PTK2B: variants seen among roughly 807,000 people sequenced by gnomAD.
PTK2B encodes protein tyrosine kinase 2 beta.
A neutral mutation model predicts 142.9 loss-of-function variants in PTK2B; 71 were observed. The ratio of observed to expected loss-of-function variants is 0.50; its 90% CI spans 0.41 to 0.61. The LOEUF (loss-of-function observed/expected upper bound fraction) is 0.61, where lower values mean the gene tolerates loss of function less well. Among genes scored for constraint, PTK2B ranks in the 20% least tolerant of loss-of-function variants. The pLI is 0.00. For missense variants in PTK2B, 1,105 were observed against 1,320.4 expected (o/e 0.84, Z 2.53); for synonymous variants, 519 against 503.4 (o/e 1.03, Z -0.42).
chr8:27,441,888 G>A (rs995022521), intron 21 of PTK2B, among the ~76,000 whole-genome samples: 2 of 151,880 alleles, frequency 1.3e-5, no homozygotes, highest in South Asian at 2.1e-4. Context: ...GCTGAGAGGT[G>A]TTCCCATCAT....
In PTK2B at chr8:27,450,784, G is replaced by A. The variant is rs1189805567; in HGVS notation, c.2376G>A (p.Glu792=). ...EDFIQPSSRE[E]AQQLWEAEKV... ...TCATCCAACCCAGCAGCCGAGAAGA[G>A]GCCCAGCAGCTGTGGGAGGCTGAAA... is the stretch of plus-strand genomic sequence containing the variant. The change falls in exon 25 of 31, where the codon GAG becomes GAA. Residue 792 remains glutamate, a synonymous_variant. Transcript: ENST00000346049. 1.9e-6 allele frequency: 3 copies of A among 1,614,084 alleles called. No homozygotes were observed. Among genetic ancestry groups the A allele is most frequent in the Non-Finnish European group, 2.5e-6 (3 of 1,180,050 alleles).
chr8:27,404,470 G>C (rs557180039), intron 2 of PTK2B, among the ~76,000 whole-genome samples: 1 of 152,256 alleles, frequency 6.6e-6, no homozygotes, highest in East Asian at 1.9e-4. Context: ...TCCTCAGGAG[G>C]GGCAGAGGCT....
intron 1 of PTK2B, among the ~76,000 whole-genome samples, chr8:27,365,605 G>C (rs1805974377): frequency 6.6e-6 from 1 of 152,110 alleles, no homozygotes; most frequent in Admixed American, 6.5e-5. Flanking sequence ...AATCTCCTAT[G>C]CCTCAGTTTC....
At chr8:27,413,994 C>T (rs1361379198) in intron 2 of PTK2B, among the ~76,000 whole-genome samples, 1 of 152,268 alleles carries the variant, frequency 6.6e-6, no homozygotes, top group East Asian at 1.9e-4. Flanking sequence ...TATTTTAATA[C>T]TTAAGTAATC....
chr8:27,315,152 A>C (rs951945683), intron 3 of PTK2B, among the ~76,000 whole-genome samples: 1 of 152,146 alleles, frequency 6.6e-6, no homozygotes, highest in African/African-American at 2.4e-5. Context: ...GAATACCACT[A>C]ACTCTAATTG....
intron 2 of PTK2B, among the ~76,000 whole-genome samples, chr8:27,409,927 G>C (rs1343389718): frequency 6.6e-6 from 1 of 152,050 alleles, no homozygotes; most frequent in Non-Finnish European, 1.5e-5. Context: ...TCACCATGTT[G>C]GCCAGGCTAG....
intron 1 of PTK2B, among the ~76,000 whole-genome samples, chr8:27,391,986 C>T (rs1320517480): frequency 6.6e-6 from 1 of 152,144 alleles, no homozygotes; most frequent in Non-Finnish European, 1.5e-5. Context: ...TGGGGCAGAC[C>T]AGGAAGCAGG....
chr8:27,313,237 C>G (rs944331022), exon 3 of PTK2B: 1 of 152,286 alleles, frequency 6.6e-6, no homozygotes, highest in African/African-American at 2.4e-5. Flanking sequence ...TTCACCTTCA[C>G]CTTCCACTGT....
chr8:27,385,067 C>T (rs1198344351), intron 1 of PTK2B, among the ~76,000 whole-genome samples: 5 of 152,184 alleles, frequency 3.3e-5, no homozygotes, highest in African/African-American at 9.7e-5. Context: ...GTTCTGCTCT[C>T]GACTTGCTGT....
At chr8:27,352,356 A>C (rs1389692355) in intron 1 of PTK2B, among the ~76,000 whole-genome samples, 1 of 152,250 alleles carries the variant, frequency 6.6e-6, no homozygotes, top group Non-Finnish European at 1.5e-5. Context: ...GGAAAGGCCA[A>C]CATGTGTTCC....
At chr8:27,450,227 G>C (rs1270649542) in intron 24 of PTK2B, among the ~76,000 whole-genome samples, 2 of 152,318 alleles carry the variant, frequency 1.3e-5, no homozygotes, top group East Asian at 1.9e-4. Flanking sequence ...CGTGAGGCTA[G>C]AGGCAGCACC....
At position 27,434,174 on chromosome 8, in the gene PTK2B, C is replaced by G. The variant is rs200463254; in HGVS notation, c.1145+42C>G. 1.9e-6 allele frequency: 3 copies of G among 1,600,910 alleles called. No homozygotes were observed. The South Asian group carries it at 3.3e-5, about 18-fold the overall frequency. On this transcript the variant is annotated intron_variant, in intron 12 of 30. Transcript: ENST00000346049. ...GCAGAGGACAGGGCCCTGAGCTCAG[C>G]CTGTGCTGCTGAGAGGAATAAGAAT...
At chr8:27,453,271 C>A in intron 28 of PTK2B, 111 bp downstream of exon 28, 1 of 1,427,878 alleles carries the variant, frequency 7.0e-7, no homozygotes, top group South Asian at 1.2e-5. Context: ...GTTCAGTGTC[C>A]TCATGATACA....
chr8:27,351,985 C>T (rs1805122032), intron 1 of PTK2B, among the ~76,000 whole-genome samples: 1 of 152,192 alleles, frequency 6.6e-6, no homozygotes, highest in Non-Finnish European at 1.5e-5. Context: ...CCCATGGTCT[C>T]TTCAATAAAT....
intron 1 of PTK2B, among the ~76,000 whole-genome samples, chr8:27,336,184 A>T (rs902916065): frequency 6.4e-4 from 98 of 152,250 alleles, no homozygotes; most frequent in African/African-American, 2.3e-3. Flanking sequence ...CCCTGAAAGA[A>T]GATATGTGTA....
chr8:27,444,885 T>G (rs1811366805), intron 23 of PTK2B, among the ~76,000 whole-genome samples: 1 of 152,202 alleles, frequency 6.6e-6, no homozygotes, highest in Non-Finnish European at 1.5e-5. Flanking sequence ...AGAAATAATG[T>G]CCATTTAGTT....
At position 27,458,465 on chromosome 8, in the gene PTK2B, C is replaced by T; in HGVS notation, c.2986C>T (p.Gln996Ter). 1.3e-6 allele frequency: 2 copies of T among 1,598,822 alleles called. No individual in the cohort carries two copies. The highest frequency in any genetic ancestry group is 1.7e-6 in the Non-Finnish European group (2 of 1,172,760). The change falls in exon 31 of 31, where the codon CAG (glutamine) becomes TAG (stop). Residue 996 changes from glutamine to a stop codon, truncating the protein, a stop_gained. Coordinates refer to ENST00000346049, the MANE Select transcript of PTK2B (RefSeq NM_173176.3). LOFTEE classifies it high-confidence loss of function. ...CAAGAACCTGCTCGACGCTGTGGACCAGGCCAAGGTTCTGGCCAATCTGGC... is the reference window on the plus strand; with the variant it reads ...CAAGAACCTGCTCGACGCTGTGGACTAGGCCAAGGTTCTGGCCAATCTGGC... Reference protein sequence around the residue: ...DAKNLLDAVDQAKVLANLAHP... With the variant: ...DAKNLLDAVD
chr8:27,434,469 C>T lies in PTK2B; in HGVS notation c.1146-44C>T, dbSNP rs771097252. The T allele has an allele frequency of 4.2e-5, 66 of 1,582,000 alleles. No homozygotes were observed. In the East Asian group the frequency reaches 6.7e-4, roughly 16 times the overall value. On this transcript the variant is annotated intron_variant, in intron 12 of 30. Coordinates refer to ENST00000346049, the MANE Select transcript of PTK2B (RefSeq NM_173176.3). ...CCGAGGCTGCCCAGGGGAACATTAC[C>T]GGCCTCTGAGCTCACCTGGCTTCTG...
chr8:27,344,006 AAAAT>A (rs1191444735), intron 1 of PTK2B, among the ~76,000 whole-genome samples: 1 of 152,132 alleles, frequency 6.6e-6, no homozygotes, highest in Admixed American at 6.6e-5. Flanking sequence ...CCGTCTCAAA[AAAAT>A]AAATAAATAA....
Sources: allele counts gnomAD v4.1 joint callset (sites outside exome capture counted in the v4.1 genomes callset), GRCh38; gene constraint gnomAD v4.1.1; transcripts MANE v1.5; gene names NCBI Gene and HGNC (gene_info 2026-07-23, HGNC 2026-07-21).